Variants in SNX24 observed in about 807,000 individuals in gnomAD.
SNX24 encodes the protein sorting nexin-24.
Under a neutral mutation model 28.7 loss-of-function variants are expected in SNX24, and 22 were observed. That is an observed-to-expected ratio of 0.77 (90% CI 0.55 to 1.10). SNX24 has a LOEUF of 1.10. SNX24 is among the 50% of genes least tolerant of loss of function. The probability of loss-of-function intolerance (pLI) is 0.00; values close to 1 mark genes in which losing one functional copy is unlikely to be tolerated. For synonymous variants in SNX24, 69 were observed against 71.5 expected (o/e 0.96, Z 0.18); for missense variants, 221 against 201.1 (o/e 1.10, Z -0.60).
At chr5:122,998,800 C>G (rs1018836378) in intron 3 of SNX24, among the ~76,000 whole-genome samples, 1 of 152,198 alleles carries the variant, frequency 6.6e-6, no homozygotes, top group Non-Finnish European at 1.5e-5. Context: ...AACTATGTAT[C>G]TACAAGGTAC....
At chr5:122,874,638 GA>G (rs1161157120) in intron 1 of SNX24, among the ~76,000 whole-genome samples, 1 of 152,230 alleles carries the variant, frequency 6.6e-6, no homozygotes, top group Non-Finnish European at 1.5e-5. Flanking sequence ...TTATGAATCA[GA>G]AAGAAGCTAG....
intron 3 of SNX24, among the ~76,000 whole-genome samples, chr5:122,982,653 A>G (rs1439174291): frequency 6.6e-6 from 1 of 152,236 alleles, no homozygotes; most frequent in Non-Finnish European, 1.5e-5. Context: ...TTAGATACCT[A>G]AACAGATTAT....
At chr5:122,915,725 G>C (rs1258561096) in intron 1 of SNX24, among the ~76,000 whole-genome samples, 1 of 152,198 alleles carries the variant, frequency 6.6e-6, no homozygotes, top group Admixed American at 6.5e-5. Context: ...GGTAAAAGCT[G>C]GTCTTTAGTG....
intron 1 of SNX24, among the ~76,000 whole-genome samples, chr5:122,915,673 C>G (rs1341197046): frequency 9.2e-5 from 14 of 152,168 alleles, no homozygotes; most frequent in Non-Finnish European, 5.9e-5. Flanking sequence ...ATCATATCAG[C>G]TCCCACTTAA....
chr5:123,016,836 C>G (rs1762687266), intron 5 of SNX24, among the ~76,000 whole-genome samples: 1 of 152,130 alleles, frequency 6.6e-6, no homozygotes, highest in Non-Finnish European at 1.5e-5. Context: ...CTTTAGGAAG[C>G]TCAGGGAGCT....
At chr5:122,983,698 G>T (rs1301695352) in intron 3 of SNX24, among the ~76,000 whole-genome samples, 1 of 152,158 alleles carries the variant, frequency 6.6e-6, no homozygotes, top group Non-Finnish European at 1.5e-5. Context: ...TGACCTCCTA[G>T]GCTCAAGCAA....
chr5:122,900,144 T>C (rs1757371854), intron 1 of SNX24, among the ~76,000 whole-genome samples: 1 of 151,836 alleles, frequency 6.6e-6, no homozygotes, highest in South Asian at 2.1e-4. Flanking sequence ...CTCAGACTCC[T>C]GAGTAGCTGG....
intron 6 of SNX24, among the ~76,000 whole-genome samples, chr5:123,005,829 G>A (rs867665044): frequency 6.6e-6 from 1 of 152,142 alleles, no homozygotes. Flanking sequence ...AAATATACAT[G>A]TGTAAGGCCT....
chr5:123,003,380 C>T (rs1340219072), intron 6 of SNX24, among the ~76,000 whole-genome samples: 2 of 152,146 alleles, frequency 1.3e-5, no homozygotes, highest in East Asian at 1.9e-4. Context: ...AACAAATATA[C>T]ATGTTAGTTG....
At chr5:122,935,550 T>A (rs771957584) in intron 1 of SNX24, among the ~76,000 whole-genome samples, 5 of 152,226 alleles carry the variant, frequency 3.3e-5, no homozygotes, top group Non-Finnish European at 5.9e-5. Flanking sequence ...AAAAAGAGGT[T>A]TCTTAAACTC....
At chr5:122,933,598 C>T (rs1046885657) in intron 1 of SNX24, among the ~76,000 whole-genome samples, 7 of 152,142 alleles carry the variant, frequency 4.6e-5, no homozygotes, top group Admixed American at 1.3e-4. Flanking sequence ...GTCTTGAGAG[C>T]CATTTTTTCC....
chr5:122,901,652 C>T (rs1757453897), intron 1 of SNX24, among the ~76,000 whole-genome samples: 1 of 152,172 alleles, frequency 6.6e-6, no homozygotes, highest in African/African-American at 2.4e-5. Context: ...CTTTTGTCTC[C>T]TGTCATTGCC....
chr5:122,918,216 T>A (rs1418370645), intron 1 of SNX24, among the ~76,000 whole-genome samples: 4 of 152,158 alleles, frequency 2.6e-5, no homozygotes. Flanking sequence ...ATATTGGGGT[T>A]AGAGCTTCAG....
At chr5:122,895,324 C>T (rs755708210) in intron 1 of SNX24, among the ~76,000 whole-genome samples, 2 of 152,106 alleles carry the variant, frequency 1.3e-5, no homozygotes, top group Admixed American at 1.3e-4. Context: ...TTAGGTAAAA[C>T]ATGTCTCTAT....
At chr5:122,848,675 C>CTCCA (rs1754760769) in intron 1 of SNX24, among the ~76,000 whole-genome samples, 1 of 151,930 alleles carries the variant, frequency 6.6e-6, no homozygotes, top group African/African-American at 2.4e-5. Flanking sequence ...CGCCACTGCA[C>CTCCA]TCCAGTCTAG....
At chr5:122,894,552 A>G (rs1561559613) in intron 1 of SNX24, among the ~76,000 whole-genome samples, 1 of 152,124 alleles carries the variant, frequency 6.6e-6, no homozygotes, top group Non-Finnish European at 1.5e-5. Context: ...TCTCCTTTGG[A>G]TAGGCATTGG....
chr5:122,946,340 T>C (rs1237415645), intron 3 of SNX24, among the ~76,000 whole-genome samples, 181 bp downstream of exon 3: 1 of 152,222 alleles, frequency 6.6e-6, no homozygotes, highest in African/African-American at 2.4e-5. Context: ...TAGGGTTCTA[T>C]TTAAAATTGG....
intron 1 of SNX24, among the ~76,000 whole-genome samples, chr5:122,852,095 T>TAC (rs570618679): frequency 6.6e-6 from 1 of 150,754 alleles, no homozygotes; most frequent in Non-Finnish European, 1.5e-5. Context: ...TATAAATATA[T>TAC]ACACACACAC....
chr5:122,975,005 C>T (rs1275090358), intron 3 of SNX24, among the ~76,000 whole-genome samples: 6 of 152,182 alleles, frequency 3.9e-5, no homozygotes, highest in East Asian at 1.9e-4. Flanking sequence ...ACCTGACCTC[C>T]GTAAGCCCCT....
Sources: gnomAD v4.1 joint callset for allele counts (sites outside exome capture counted in the v4.1 genomes callset) on GRCh38, gnomAD v4.1.1 for gene constraint, MANE v1.5 for transcripts, NCBI Gene and HGNC (gene_info 2026-07-23, HGNC 2026-07-21) for gene names.